Variants in THSD7A observed in about 807,000 individuals in gnomAD.
THSD7A encodes the protein thrombospondin type-1 domain-containing protein 7A.
THSD7A carries 96 observed loss-of-function variants against 231.3 expected under a neutral mutation model. That is an observed-to-expected ratio of 0.41 (90% CI 0.35 to 0.49). THSD7A has a LOEUF of 0.49. THSD7A is among the 20% of genes least tolerant of loss of function. The pLI is 0.05. For missense variants in THSD7A, 2,290 were observed against 2,070.2 expected, an observed-to-expected ratio of 1.11 and a Z score of -2.06; for synonymous variants, 940 against 743.3, an observed-to-expected ratio of 1.26 and a Z score of -4.30.
At chr7:11,592,116 T>G (rs193161103) in intron 3 of THSD7A, among the ~76,000 whole-genome samples, 1 of 152,306 alleles carries the variant, frequency 6.6e-6, no homozygotes, top group African/African-American at 2.4e-5. Context: ...GAGCCTATTA[T>G]GTGGGGAGGA....
In THSD7A at chr7:11,831,855, G is replaced by A. The variant is rs1332873920; in HGVS notation, c.92C>T (p.Pro31Leu). ...CAGCAGCAGCAGGAGCAGCGGCAGC[G>A]GCAGCGGCAGCGGCAGCAGCTGCAG... ...GVLQLLPLPL[P>L]LPLLLLLLLR... Residue 31 changes from proline to leucine, a missense_variant, in exon 1 of 28, where the codon CCG (proline) becomes CTG (leucine). Pro to Leu is a moderately conservative substitution (Grantham distance 98). Coordinates refer to ENST00000423059, the MANE Select transcript of THSD7A (RefSeq NM_015204.3). This position sits in a 1 kb window ranked among gnomAD's most constrained non-coding sequence, Gnocchi z 5.0. 2.4e-6 allele frequency: 3 copies of A among 1,247,856 alleles called. No homozygotes were observed. The highest frequency in any genetic ancestry group is 3.5e-5 in the East Asian group (1 of 28,638). 77.3% of individuals were successfully genotyped at this position (1,247,856 alleles called of 1,614,324 possible).
intron 6 of THSD7A, among the ~76,000 whole-genome samples, chr7:11,503,803 A>C (rs1245845647): frequency 6.6e-6 from 1 of 152,188 alleles, no homozygotes; most frequent in Non-Finnish European, 1.5e-5. Context: ...AAAAAGTTAA[A>C]AAATAACAGA....
At chr7:11,645,380 A>T (rs890920273) in intron 1 of THSD7A, among the ~76,000 whole-genome samples, 3 of 151,842 alleles carry the variant, frequency 2.0e-5, no homozygotes, top group African/African-American at 7.2e-5. Context: ...TGATATGCAG[A>T]CTTTCACTAA....
In THSD7A at chr7:11,373,913, CT is replaced by C. The variant is rs1297250976; in HGVS notation, c.*1880del. ...ATAATGTTGCCTGAAAATGGTATTG[CT>C]TTTTAATGGCACCTTTTGAGTTTTC... On this transcript the variant is annotated 3_prime_UTR_variant, in exon 28 of 28. Coordinates refer to ENST00000423059, the MANE Select transcript of THSD7A (RefSeq NM_015204.3). The C allele has an allele frequency of 2.0e-5, 3 of 152,022 alleles. No homozygotes were observed. The highest frequency in any genetic ancestry group is 4.4e-5 in the Non-Finnish European group (3 of 67,970). 9.4% of individuals were successfully genotyped at this position (152,022 alleles called of 1,614,324 possible). A position where few individuals can be genotyped will look rare whatever the true frequency, so the allele number is the denominator to read the frequency against.
chr7:11,665,592 T>C (rs1054053011), intron 1 of THSD7A, among the ~76,000 whole-genome samples: 1 of 152,128 alleles, frequency 6.6e-6, no homozygotes, highest in Non-Finnish European at 1.5e-5. Context: ...TTGGAACACT[T>C]ATCTCCTTTT....
chr7:11,493,023 T>A (rs1297104031), intron 6 of THSD7A, among the ~76,000 whole-genome samples: 1 of 152,128 alleles, frequency 6.6e-6, no homozygotes, highest in Non-Finnish European at 1.5e-5. Flanking sequence ...GAACCACACA[T>A]GTATTAGGAA....
chr7:11,604,556 A>G (rs1780673880), intron 2 of THSD7A, among the ~76,000 whole-genome samples: 2 of 152,076 alleles, frequency 1.3e-5, no homozygotes, highest in Non-Finnish European at 2.9e-5. Flanking sequence ...TTTTTTTCCC[A>G]GATTTAATGA....
Position 11,375,413 on chromosome 7 carries a change from C to CACCG in THSD7A, c.*380_*381insCGGT. The stretch of plus-strand genomic sequence containing the variant: ...TATTGTGGAGATCTTGGTAGAAACT[C>CACCG]TTCATGCTAGGAAGTTTTATGGATT... On this transcript the variant is annotated 3_prime_UTR_variant, in exon 28 of 28. Coordinates refer to ENST00000423059, the MANE Select transcript of THSD7A (RefSeq NM_015204.3). 1.9e-5 allele frequency: 3 copies of CACCG among 159,628 alleles called. No homozygotes were observed. Among genetic ancestry groups the CACCG allele is most frequent in the South Asian group, 2.0e-4 (1 of 4,886 alleles). The allele number at this position is 159,628 out of a possible 1,614,324, so 9.9% of individuals were successfully genotyped here.
intron 2 of THSD7A, among the ~76,000 whole-genome samples, chr7:11,616,089 G>A (rs1169443098): frequency 6.6e-6 from 1 of 151,842 alleles, no homozygotes; most frequent in Non-Finnish European, 1.5e-5. Context: ...TTTATTTACT[G>A]GTTTGTGATA....
At chr7:11,416,340 TA>T (rs1783958521) in intron 17 of THSD7A, among the ~76,000 whole-genome samples, 1 of 152,220 alleles carries the variant, frequency 6.6e-6, no homozygotes, top group African/African-American at 2.4e-5. Flanking sequence ...CCTATTTTTA[TA>T]AAAATGGAAT....
At chr7:11,460,176 A>G (rs1011966402) in intron 11 of THSD7A, among the ~76,000 whole-genome samples, 1 of 152,182 alleles carries the variant, frequency 6.6e-6, no homozygotes, top group Non-Finnish European at 1.5e-5. Flanking sequence ...CTAAATATGA[A>G]CAGAATTGTG....
At chr7:11,470,140 C>A in intron 8 of THSD7A, 146 bp from the exon 9 acceptor site, 1 of 639,782 alleles carries the variant, frequency 1.6e-6, no homozygotes, top group Non-Finnish European at 2.8e-6. Flanking sequence ...CTTTCTGCTA[C>A]AGGCAAGAAC....
intron 4 of THSD7A, among the ~76,000 whole-genome samples, chr7:11,546,852 G>GA (rs567218636): frequency 2.6e-4 from 40 of 151,410 alleles, no homozygotes; most frequent in Middle Eastern, 3.4e-3. Context: ...GCTTTTTTAA[G>GA]AAAAAAAACA....
chr7:11,572,348 C>T (rs757405503), intron 4 of THSD7A, among the ~76,000 whole-genome samples: 34 of 152,200 alleles, frequency 2.2e-4, no homozygotes, highest in Non-Finnish European at 4.1e-4. Context: ...ACTTAGCCTT[C>T]CTTTTGCAAT....
rs922014321 is a variant in THSD7A at position 11,706,671 on chromosome 7, C to T, written c.191-69710G>A. Among the ~76,000 whole-genome samples the T allele has an allele frequency of 4.2e-5, 5 of 118,020 alleles. No individual in the cohort carries two copies. The South Asian group carries it at 1.2e-3, about 29-fold the overall frequency. The allele number at this position is 118,020 out of a possible 152,430, so 77.4% of individuals were successfully genotyped here. On this transcript the variant is annotated intron_variant, in intron 1 of 27. Coordinates refer to ENST00000423059, the MANE Select transcript of THSD7A (RefSeq NM_015204.3). ...TTTTTTTTTTAGAAATTATCAACTG[C>T]CTAGCAAGAACACATTTGCTTCTTA...
rs536575050 is a variant in THSD7A at position 11,550,863 on chromosome 7, G to C, written c.1454-7746C>G. 5.9e-5 allele frequency among the ~76,000 whole-genome samples: 9 copies of C among 152,048 alleles called. 1 individual carries two copies. Among genetic ancestry groups the C allele is most frequent in the Admixed American group, 3.9e-4 (6 of 15,268 alleles). On this transcript the variant is annotated intron_variant, in intron 4 of 27. Transcript: ENST00000423059. ...GAATAACTCTTCTGAAATTAATATG[G>C]AACTGAAAAGTAGCCTGAATAGCCA...
At chr7:11,818,154 C>T (rs1392393304) in intron 1 of THSD7A, among the ~76,000 whole-genome samples, 1 of 152,194 alleles carries the variant, frequency 6.6e-6, no homozygotes, top group Non-Finnish European at 1.5e-5. Flanking sequence ...ACAAACACAT[C>T]CATCTACAAT....
At chr7:11,578,819 G>C (rs1791031576) in intron 4 of THSD7A, among the ~76,000 whole-genome samples, 1 of 152,200 alleles carries the variant, frequency 6.6e-6, no homozygotes, top group Admixed American at 6.5e-5. Flanking sequence ...TGCTTCAATG[G>C]ATAGGTGATG....
At chr7:11,480,616 A>G (rs1436159892) in intron 7 of THSD7A, among the ~76,000 whole-genome samples, 2 of 152,178 alleles carry the variant, frequency 1.3e-5, no homozygotes, top group Non-Finnish European at 2.9e-5. Context: ...GTGGTAGGAA[A>G]AAGTTTTTGA....
Sources: allele counts gnomAD v4.1 joint callset (sites outside exome capture counted in the v4.1 genomes callset), GRCh38; gene constraint gnomAD v4.1.1; non-coding constraint Gnocchi (gnomAD v3.1); transcripts MANE v1.5; gene names NCBI Gene and HGNC (gene_info 2026-07-23, HGNC 2026-07-21).